HDAC4: variants seen among roughly 807,000 people sequenced by gnomAD.
HDAC4 encodes histone deacetylase 4.
HDAC4 carries 16 observed loss-of-function variants against 135.1 expected under a neutral mutation model. The ratio of observed to expected loss-of-function variants is 0.12; its 90% CI spans 0.08 to 0.18. The LOEUF is 0.18. Ranked by LOEUF, HDAC4 falls within the 10% of genes least tolerant of loss-of-function variation. The pLI, the probability that HDAC4 is intolerant of heterozygous loss-of-function variation, is 1.00. For synonymous variants in HDAC4, 685 were observed against 653.4 expected, an observed-to-expected ratio of 1.05 and a Z score of -0.74; for missense variants, 1,143 against 1,511.8, an observed-to-expected ratio of 0.76 and a Z score of 4.05.
At chr2:239,397,529 G>A (rs1336079821) in intron 1 of HDAC4, among the ~76,000 whole-genome samples, 1 of 152,158 alleles carries the variant, frequency 6.6e-6, no homozygotes, top group Admixed American at 6.5e-5. Flanking sequence ...TAGGAGGTGT[G>A]TCAGCAAGGC....
Position 239,115,838 on chromosome 2 carries a change from G to T in HDAC4, c.1534-528C>A, listed in dbSNP as rs1340898258. Among the ~76,000 whole-genome samples, 1 of 152,000 alleles carries T rather than the reference G, an allele frequency of 6.6e-6. No individual in the cohort carries two copies. The highest frequency in any genetic ancestry group is 2.4e-5 in the African/African-American group (1 of 41,376). ...GATGTGCCATGACCTCCCTCCTGCCGGATCCTGGGAACACTCCAGGACCTC... is the reference window on the plus strand; with the variant it reads ...GATGTGCCATGACCTCCCTCCTGCCTGATCCTGGGAACACTCCAGGACCTC... On this transcript the variant is annotated intron_variant, in intron 12 of 26. Coordinates refer to ENST00000543185, the MANE Select transcript of HDAC4 (RefSeq NM_001378414.1). The surrounding 1 kb of genome is among the most constrained non-coding windows in gnomAD (Gnocchi z 6.3).
chr2:239,380,677 GTTAA>G (rs1368794097), intron 1 of HDAC4, among the ~76,000 whole-genome samples: 3 of 152,140 alleles, frequency 2.0e-5, no homozygotes, highest in Non-Finnish European at 2.9e-5. Context: ...GGTTACAATG[GTTAA>G]TTTTGTTAGG....
At chr2:239,204,157 G>A (rs73003967) in intron 3 of HDAC4, among the ~76,000 whole-genome samples, 7 of 152,288 alleles carry the variant, frequency 4.6e-5, no homozygotes, top group Non-Finnish European at 8.8e-5. Flanking sequence ...CTAGCCTGGC[G>A]GCTTCTGTGA....
chr2:239,229,829 A>G (rs1371944556), intron 3 of HDAC4, among the ~76,000 whole-genome samples: 1 of 152,122 alleles, frequency 6.6e-6, no homozygotes, highest in Admixed American at 6.6e-5. Flanking sequence ...TAGATGGTAA[A>G]TGTCTCCTAT....
chr2:239,190,640 G>GC (rs957325823), intron 3 of HDAC4, among the ~76,000 whole-genome samples: 7 of 152,226 alleles, frequency 4.6e-5, no homozygotes, highest in East Asian at 1.9e-4. Flanking sequence ...TGAGACAAGC[G>GC]CCCCCTTGGA....
At chr2:239,298,896 A>G (rs932081475) in intron 2 of HDAC4, among the ~76,000 whole-genome samples, 3 of 107,392 alleles carry the variant, frequency 2.8e-5, no homozygotes, top group African/African-American at 1.2e-4. Context: ...TTTGAGATGC[A>G]GTCACTCTGT....
In HDAC4 at chr2:239,053,545, C is replaced by T. The variant is rs772611799; in HGVS notation, c.3145G>A (p.Glu1049Lys). 13 of 1,613,866 alleles carry T rather than the reference C, an allele frequency of 8.1e-6. No individual in the cohort carries two copies. In the Admixed American group the frequency reaches 1.0e-4, roughly 12 times the overall value. ...TTSTAGRSLI[E>K]AQTCENEEAE... ...TCTTCGTTCTCGCAAGTCTGAGCCTCGATCAGAGAACGCCCCGCTGTGGAG... is the reference window on the plus strand; with the variant it reads ...TCTTCGTTCTCGCAAGTCTGAGCCTTGATCAGAGAACGCCCCGCTGTGGAG... The change falls in exon 26 of 27, where the codon GAG becomes AAG. Residue 1049 changes from glutamate to lysine, a missense_variant. By Grantham distance (56) the Glu-to-Lys change is moderately conservative. Transcript: ENST00000543185.
rs1332293171 is a variant in HDAC4, at chr2:239,053,578, G to A, written c.3112C>T (p.Arg1038Cys). Residue 1038 changes from arginine (R) to cysteine (C), a missense_variant, in exon 26 of 27, where the codon CGC (arginine) becomes TGC (cysteine). Around this residue, in one of 9 missense-constraint regions of HDAC4, gnomAD observed 131 missense variants for 130.6 expected, o/e 1.00. Transcript: ENST00000543185. ...GAACGCCCCGCTGTGGAGGTTGTGC[G>A]CTGCAGGCAGCGCCAGTACTTGCCT... ...IHSKYWRCLQ[R>C]TTSTAGRSLI... is the part of the protein sequence containing the mutation. 4.3e-6 allele frequency: 7 copies of A among 1,613,808 alleles called. No individual in the cohort carries two copies. Among genetic ancestry groups the A allele is most frequent in the Non-Finnish European group, 5.1e-6 (6 of 1,179,956 alleles).
chr2:239,222,534 C>CAAA lies in HDAC4; in HGVS notation c.94+14056_94+14058dup, dbSNP rs10716644. Among the ~76,000 whole-genome samples, 152 of 112,244 alleles carry CAAA rather than the reference C, an allele frequency of 1.4e-3. 1 individual carries two copies. Among genetic ancestry groups the CAAA allele is most frequent in the African/African-American group, 4.7e-3 (135 of 28,518 alleles). The allele number at this position is 112,244 out of a possible 152,430, so 73.6% of individuals were successfully genotyped here. On this transcript the variant is annotated intron_variant, in intron 3 of 26. Coordinates refer to ENST00000543185, the MANE Select transcript of HDAC4 (RefSeq NM_001378414.1). The stretch of plus-strand genomic sequence containing the variant: ...AATAGAACCAGGCCTTACCCCATAC[C>CAAA]AAAAAAAAAAAAAAAAAAAATGGTG...
intron 3 of HDAC4, among the ~76,000 whole-genome samples, chr2:239,194,028 T>C (rs967318325): frequency 1.3e-5 from 2 of 152,302 alleles, no homozygotes; most frequent in African/African-American, 4.8e-5. Flanking sequence ...AATGCTGATG[T>C]GGGCCAAGGG....
chr2:239,244,627 G>A (rs896275917), intron 2 of HDAC4, among the ~76,000 whole-genome samples: 2 of 152,150 alleles, frequency 1.3e-5, no homozygotes, highest in Admixed American at 1.3e-4. Flanking sequence ...GTCATGGCTT[G>A]GAAACAAAAT....
intron 2 of HDAC4, among the ~76,000 whole-genome samples, chr2:239,265,991 G>A (rs575047087): frequency 1.8e-4 from 28 of 152,162 alleles, no homozygotes; most frequent in Admixed American, 1.7e-3. Context: ...CGTATGGCAG[G>A]AGCGTGGCCT....
rs1022189574 is a variant in HDAC4 at position 239,306,968 on chromosome 2, A to C, written c.22+45710T>G. ...CTGCACCCTGGGCCCAGGGTAACCC[A>C]GAAGCAGCAGGAGCCGCAGGACCAT... On this transcript the variant is annotated intron_variant, in intron 2 of 26. Coordinates refer to ENST00000543185, the MANE Select transcript of HDAC4 (RefSeq NM_001378414.1). The surrounding 1 kb of genome is among the most constrained non-coding windows in gnomAD (Gnocchi z 4.5). Among the ~76,000 whole-genome samples the C allele has an allele frequency of 5.3e-5, 8 of 152,182 alleles. No homozygotes were observed. Among genetic ancestry groups the C allele is most frequent in the Admixed American group, 5.2e-4 (8 of 15,308 alleles).
intron 6 of HDAC4, among the ~76,000 whole-genome samples, chr2:239,158,783 G>A (rs2042587548): frequency 6.6e-6 from 1 of 152,028 alleles, no homozygotes; most frequent in Non-Finnish European, 1.5e-5. Context: ...GGTCACACCC[G>A]CCCAGCCCTG....
In HDAC4 at chr2:239,232,381, A is replaced by G. The variant is rs185840975; in HGVS notation, c.94+4212T>C. 2.1e-3 allele frequency among the ~76,000 whole-genome samples: 320 copies of G among 152,308 alleles called. 14 individuals carry two copies. Among genetic ancestry groups the G allele is most frequent in the Admixed American group, 0.021 (319 of 15,310 alleles). On this transcript the variant is annotated intron_variant, in intron 3 of 26. Transcript: ENST00000543185. ...TTCTCCTCTGTCCTCAAACTGCAAC[A>G]TCTCCCCAGCCTAACTCAGTCAATG...
At chr2:239,374,608 T>A (rs973551226) in intron 1 of HDAC4, among the ~76,000 whole-genome samples, 1 of 151,126 alleles carries the variant, frequency 6.6e-6, no homozygotes, top group African/African-American at 2.4e-5. Flanking sequence ...TTTCACCGTT[T>A]TAGCCAGGAT....
rs773301512 is a variant in HDAC4, at chr2:239,167,259, T to C, written c.491-3336A>G. 2.6e-5 allele frequency among the ~76,000 whole-genome samples: 4 copies of C among 151,702 alleles called. No individual in the cohort carries two copies. Among genetic ancestry groups the C allele is most frequent in the Non-Finnish European group, 4.4e-5 (3 of 67,930 alleles). The stretch of plus-strand genomic sequence containing the variant: ...TCCACTGGCCCTCCACGGGGGAGGG[T>C]GCGCACTCCAGGAACAGGACCCACT... On this transcript the variant is annotated intron_variant, in intron 5 of 26. Coordinates refer to ENST00000543185, the MANE Select transcript of HDAC4 (RefSeq NM_001378414.1). This position sits in a 1 kb window ranked among gnomAD's most constrained non-coding sequence, Gnocchi z 4.1.
intron 2 of HDAC4, among the ~76,000 whole-genome samples, chr2:239,332,002 T>C (rs1202715372): frequency 2.0e-5 from 3 of 152,178 alleles, no homozygotes; most frequent in African/African-American, 7.2e-5. Context: ...AAGGTGGACA[T>C]TTCACAGTAA....
chr2:239,050,285 A>G lies in HDAC4; in HGVS notation c.*2812T>C, dbSNP rs913814308. ...ACCTGGCCACTGAGCAGTCCATGTTATCCCATCATCTGCTTAAAAAAAAAA... is the reference window on the plus strand; with the variant it reads ...ACCTGGCCACTGAGCAGTCCATGTTGTCCCATCATCTGCTTAAAAAAAAAA... On this transcript the variant is annotated 3_prime_UTR_variant, in exon 27 of 27. Transcript: ENST00000543185. The G allele has an allele frequency of 1.3e-5, 2 of 152,176 alleles. No homozygotes were observed. The highest frequency in any genetic ancestry group is 4.8e-5 in the African/African-American group (2 of 41,440). 9.4% of individuals were successfully genotyped at this position (152,176 alleles called of 1,614,324 possible). A position where few individuals can be genotyped will look rare whatever the true frequency, so the allele number is the denominator to read the frequency against.
Sources: allele counts gnomAD v4.1 joint callset (sites outside exome capture counted in the v4.1 genomes callset), GRCh38; gene constraint gnomAD v4.1.1; regional missense constraint gnomAD v4.1.1; non-coding constraint Gnocchi (gnomAD v3.1); transcripts MANE v1.5; gene names NCBI Gene and HGNC (gene_info 2026-07-23, HGNC 2026-07-21).